PGLS: variants seen among roughly 807,000 people sequenced by gnomAD.
PGLS encodes epididymis secretory protein Li 304.
PGLS carries 21 observed loss-of-function variants against 23.2 expected under a neutral mutation model. The ratio of observed to expected loss-of-function variants is 0.91; its 90% CI spans 0.64 to 1.31. The LOEUF is 1.31. PGLS is among the 50% of genes most tolerant of loss of function. PGLS has a pLI of 0.00. For synonymous variants in PGLS, 179 were observed against 165.4 expected, an observed-to-expected ratio of 1.08 and a Z score of -0.63; for missense variants, 410 against 354.0, an observed-to-expected ratio of 1.16 and a Z score of -1.27.
In PGLS at chr19:17,519,172, G is replaced by C. The variant is rs561688409; in HGVS notation, c.639+1322G>C. On this transcript the variant is annotated intron_variant, in intron 4 of 4. Coordinates refer to ENST00000252603, the MANE Select transcript of PGLS (RefSeq NM_012088.3). ...CTACTAAAAATACAAAAATTAGCCAGGCGTGGTGGCGTGCGCCTGTAGTCC... is the reference window on the plus strand; with the variant it reads ...CTACTAAAAATACAAAAATTAGCCACGCGTGGTGGCGTGCGCCTGTAGTCC... 2.8e-4 allele frequency among the ~76,000 whole-genome samples: 43 copies of C among 151,696 alleles called. No homozygotes were observed. The South Asian group carries it at 9.0e-3, about 32-fold the overall frequency.
intron 1 of PGLS, among the ~76,000 whole-genome samples, chr19:17,514,437 CCCTTCCTTCCCTT>C (rs1043627819): frequency 1.3e-3 from 191 of 151,878 alleles, no homozygotes; most frequent in African/African-American, 4.2e-3. Flanking sequence ...CTCCTTCCCT[CCCTTCCTTCCCTT>C]CCTTCCTTCC....
At position 17,517,847 on chromosome 19, in the gene PGLS, G is replaced by A; in HGVS notation, c.636G>A (p.Leu212=). 3.1e-6 allele frequency: 5 copies of A among 1,614,042 alleles called. No individual in the cohort carries two copies. The highest frequency in any genetic ancestry group is 4.2e-6 in the Non-Finnish European group (5 of 1,180,020). The change falls in exon 4 of 5, where the codon CTG becomes CTA. Residue 212 remains leucine, a synonymous_variant. Transcript: ENST00000252603. ...CTGGAGAAGGCAAGGCAGCTGTTCT[G>A]AAGGTAACAGCTGAGGGTTCTAGTC... is the stretch of plus-strand genomic sequence containing the variant. ...VATGEGKAAV[L]KRILEDQEEN...
chr19:17,519,699 C>T (rs1027503432), intron 4 of PGLS, among the ~76,000 whole-genome samples: 1 of 152,140 alleles, frequency 6.6e-6, no homozygotes, highest in Admixed American at 6.6e-5. Context: ...CGCACCCGGC[C>T]CAGAAAAGTT....
Position 17,515,887 on chromosome 19 carries a change from G to T in PGLS, c.289-286G>T, listed in dbSNP as rs112392713. 1.9e-3 allele frequency: 598 copies of T among 308,108 alleles called. 2 individuals are homozygous for T. Among genetic ancestry groups the T allele is most frequent in the African/African-American group, 0.011 (532 of 47,346 alleles). 19.1% of individuals were successfully genotyped at this position (308,108 alleles called of 1,614,324 possible). A position where few individuals can be genotyped will look rare whatever the true frequency, so the allele number is the denominator to read the frequency against. On this transcript the variant is annotated intron_variant, in intron 1 of 4. Coordinates refer to ENST00000252603, the MANE Select transcript of PGLS (RefSeq NM_012088.3). ...ATTCACCCAGGAGGGCCACCCTCCC[G>T]TCCAGCCCCCCAAGAGCAGCAGGGC... is the stretch of plus-strand genomic sequence containing the variant.
chr19:17,511,752 C>A lies in PGLS; in HGVS notation c.80C>A (p.Ala27Asp). The change falls in exon 1 of 5, where the codon GCC (alanine) becomes GAC (aspartate). Residue 27 changes from alanine (A) to aspartate (D), a missense_variant. Ala to Asp is a moderately radical substitution (Grantham distance 126). Transcript: ENST00000252603. ...ELGAALAQLV[A>D]QRAACCLAGA... ...GGTGCGGCGCTAGCGCAGCTGGTGG[C>A]CCAGCGCGCAGCATGCTGCCTGGCA... The A allele has an allele frequency of 1.3e-6, 2 of 1,500,904 alleles. No individual in the cohort carries two copies. 93.0% of individuals were successfully genotyped at this position (1,500,904 alleles called of 1,614,324 possible). A position where few individuals can be genotyped will look rare whatever the true frequency, so the allele number is the denominator to read the frequency against.
intron 2 of PGLS, among the ~76,000 whole-genome samples, chr19:17,516,761 AT>A (rs368385360): frequency 2.8e-5 from 4 of 142,062 alleles, no homozygotes; most frequent in Non-Finnish European, 6.2e-5. Context: ...ATTTTTTTGT[AT>A]TTTTTTAGTA....
rs1200207249 is a variant in PGLS at position 17,511,717 on chromosome 19, C to T, written c.45C>T (p.Ser15=). ...GCCTCATCTCGGTGTTCTCGAGTTC[C>T]CAGGAGCTGGGTGCGGCGCTAGCGC... ...APGLISVFSS[S]QELGAALAQL... is the part of the protein sequence containing the mutation. The change falls in exon 1 of 5, where the codon TCC becomes TCT. Residue 15 remains serine, a synonymous_variant. Transcript: ENST00000252603. 6 of 1,510,072 alleles carry T rather than the reference C, an allele frequency of 4.0e-6. No individual in the cohort carries two copies. In the South Asian group the frequency reaches 4.9e-5, roughly 12 times the overall value. 93.5% of individuals were successfully genotyped at this position (1,510,072 alleles called of 1,614,324 possible).
intron 1 of PGLS, chr19:17,515,935 T>C (rs2075530239): frequency 4.8e-6 from 2 of 415,548 alleles, no homozygotes; most frequent in Non-Finnish European, 9.2e-6. Flanking sequence ...TTGAACCTCC[T>C]CTGCCCTGAC....
At chr19:17,517,651 G>A (rs772033370) in intron 3 of PGLS, 59 bp from the exon 4 acceptor site, 68 of 1,589,664 alleles carry the variant, frequency 4.3e-5, no homozygotes, top group Non-Finnish European at 5.6e-5. Flanking sequence ...GTGTGTAAGT[G>A]TCCAAGAAGC....
chr19:17,514,913 A>G (rs1245340451), intron 1 of PGLS, among the ~76,000 whole-genome samples: 1 of 151,986 alleles, frequency 6.6e-6, no homozygotes, highest in East Asian at 1.9e-4. Context: ...TGGCCTCCCA[A>G]AGTGCTGGGA....
intron 1 of PGLS, among the ~76,000 whole-genome samples, chr19:17,515,313 G>A (rs2075527463): frequency 6.6e-6 from 1 of 152,098 alleles, no homozygotes; most frequent in Non-Finnish European, 1.5e-5. Flanking sequence ...TTACTTCGTG[G>A]CTCACCTTAG....
chr19:17,515,106 A>T (rs187532856), intron 1 of PGLS, among the ~76,000 whole-genome samples: 276 of 152,248 alleles, frequency 1.8e-3, no homozygotes, highest in Non-Finnish European at 3.0e-3. Flanking sequence ...GTTGTTTATA[A>T]GCCTCGAGTT....
intron 1 of PGLS, among the ~76,000 whole-genome samples, chr19:17,514,167 G>T (rs771366044): frequency 2.0e-5 from 3 of 152,214 alleles, no homozygotes; most frequent in Non-Finnish European, 4.4e-5. Context: ...CAAGGTGTTG[G>T]TGGGGTCACG....
At chr19:17,512,355 G>T in intron 1 of PGLS, 1 of 238,600 alleles carries the variant, frequency 4.2e-6, no homozygotes, top group East Asian at 1.3e-4. Flanking sequence ...CCTTTATCTA[G>T]GCAGGGCTAG....
intron 1 of PGLS, among the ~76,000 whole-genome samples, chr19:17,514,483 TTTTCC>T (rs2075524087): frequency 6.6e-6 from 1 of 151,912 alleles, no homozygotes; most frequent in African/African-American, 2.4e-5. Flanking sequence ...CTTTCTTTTC[TTTTCC>T]TTTCCTTTTC....
chr19:17,519,410 G>GT, intron 4 of PGLS, among the ~76,000 whole-genome samples: 1 of 151,708 alleles, frequency 6.6e-6, no homozygotes, highest in South Asian at 2.1e-4. Context: ...TTGTTTGTTT[G>GT]TTTTTTTGAG....
intron 1 of PGLS, chr19:17,512,310 A>G (rs2075512794): frequency 2.9e-6 from 1 of 341,006 alleles, no homozygotes; most frequent in South Asian, 3.5e-5. Context: ...AACCCCGCCT[A>G]CAGTGGGTCC....
At chr19:17,512,229 C>T (rs1316225558) in intron 1 of PGLS, 1 of 488,360 alleles carries the variant, frequency 2.0e-6, no homozygotes, top group Non-Finnish European at 3.6e-6. Flanking sequence ...CCGAGATGGT[C>T]ACGCCCACTG....
At position 17,515,946 on chromosome 19, in the gene PGLS, A is replaced by G. The variant is rs961223489; in HGVS notation, c.289-227A>G. On this transcript the variant is annotated intron_variant, in intron 1 of 4. Transcript: ENST00000252603. ...GCCCTTGAACCTCCTCTGCCCTGAC[A>G]GGCGGCGTCACCCAGGGCTCAGGAT... 4 of 433,990 alleles carry G rather than the reference A, an allele frequency of 9.2e-6. No individual in the cohort carries two copies. In the Admixed American group the frequency reaches 1.0e-4, roughly 11 times the overall value. 26.9% of individuals were successfully genotyped at this position (433,990 alleles called of 1,614,324 possible).
Sources: gnomAD v4.1 joint callset for allele counts (sites outside exome capture counted in the v4.1 genomes callset) on GRCh38, gnomAD v4.1.1 for gene constraint, MANE v1.5 for transcripts, NCBI Gene and HGNC (gene_info 2026-07-23, HGNC 2026-07-21) for gene names.